The following MYO1D variants were observed in gnomAD, a reference collection of about 807,000 sequenced individuals.
The protein encoded by MYO1D is myosin ID.
Under a neutral mutation model 122.0 loss-of-function variants are expected in MYO1D, and 83 were observed. The observed-to-expected ratio is 0.68, with a 90% CI of 0.57 to 0.82. The LOEUF (loss-of-function observed/expected upper bound fraction) is 0.82, where lower values mean the gene tolerates loss of function less well. Among genes scored for constraint, MYO1D ranks in the 40% least tolerant of loss-of-function variants. The pLI is 0.00. For missense variants in MYO1D, 1,157 were observed against 1,269.5 expected (o/e 0.91, Z 1.35); for synonymous variants, 464 against 446.9 (o/e 1.04, Z -0.48).
chr17:32,819,991 G>A (rs936657579), intron 1 of MYO1D, among the ~76,000 whole-genome samples: 1 of 152,204 alleles, frequency 6.6e-6, no homozygotes, highest in East Asian at 1.9e-4. Flanking sequence ...AAGCCCACAG[G>A]TTGGTCATCT....
At chr17:32,861,679 T>C (rs1567676156) in intron 1 of MYO1D, among the ~76,000 whole-genome samples, 1 of 152,124 alleles carries the variant, frequency 6.6e-6, no homozygotes, top group East Asian at 1.9e-4. Flanking sequence ...CCAAAGACTC[T>C]AGCCTCACTG....
chr17:32,773,867 C>T (rs187768952), intron 4 of MYO1D, among the ~76,000 whole-genome samples: 94 of 152,208 alleles, frequency 6.2e-4, no homozygotes, highest in African/African-American at 2.1e-3. Flanking sequence ...TTTTACACAT[C>T]GGTCCCTCCC....
At chr17:32,662,980 T>A (rs2088589819) in intron 16 of MYO1D, among the ~76,000 whole-genome samples, 1 of 150,280 alleles carries the variant, frequency 6.7e-6, no homozygotes, top group Admixed American at 6.7e-5. Context: ...TGCAGTGGCG[T>A]GATCTTGGCT....
chr17:32,671,441 T>C lies in MYO1D; in HGVS notation c.2122-12103A>G, dbSNP rs113158452. Among the ~76,000 whole-genome samples, 132 of 152,324 alleles carry C rather than the reference T, an allele frequency of 8.7e-4. 1 individual carries two copies. Among genetic ancestry groups the C allele is most frequent in the Admixed American group, 2.9e-3 (45 of 15,286 alleles). ...GCAAATATAGTTAAAATTTTAACAT[T>C]TGGGCGCTGGGGCGAAAGGCATAAG... On this transcript the variant is annotated intron_variant, in intron 16 of 21. Coordinates refer to ENST00000318217, the MANE Select transcript of MYO1D (RefSeq NM_015194.3).
intron 16 of MYO1D, among the ~76,000 whole-genome samples, chr17:32,682,537 G>C (rs952961811): frequency 9.9e-5 from 15 of 151,756 alleles, no homozygotes; most frequent in South Asian, 6.3e-4. Flanking sequence ...ATATGAAATT[G>C]CGGGTTGAAA....
At chr17:32,598,882 T>C (rs934807101) in intron 21 of MYO1D, among the ~76,000 whole-genome samples, 3 of 152,190 alleles carry the variant, frequency 2.0e-5, no homozygotes, top group African/African-American at 7.2e-5. Flanking sequence ...ATTAAGCGGA[T>C]ATTAAAGAAG....
At chr17:32,864,007 CTTTTTTTTTTTTTTTT>C (rs560953120) in intron 1 of MYO1D, among the ~76,000 whole-genome samples, 87 of 48,972 alleles carry the variant, frequency 1.8e-3, no homozygotes, top group South Asian at 0.012. Flanking sequence ...ACATTTCTTC[CTTTTTTTTTTTTTTTT>C]TTTTTTTTTT....
intron 10 of MYO1D, among the ~76,000 whole-genome samples, chr17:32,758,797 G>A (rs2089972603): frequency 6.6e-6 from 1 of 152,190 alleles, no homozygotes; most frequent in Non-Finnish European, 1.5e-5. Flanking sequence ...GATCTGCCAT[G>A]TAGTAAGTAA....
intron 21 of MYO1D, among the ~76,000 whole-genome samples, chr17:32,569,467 G>A (rs902472730): frequency 1.3e-5 from 2 of 152,212 alleles, no homozygotes; most frequent in Admixed American, 1.3e-4. Context: ...AAGACACTGT[G>A]TGAAATTCTT....
At chr17:32,695,294 G>A (rs985551862) in intron 16 of MYO1D, among the ~76,000 whole-genome samples, 30 of 152,212 alleles carry the variant, frequency 2.0e-4, no homozygotes, top group Admixed American at 5.2e-4. Context: ...AATCCAATGA[G>A]CCACTGATCT....
intron 19 of MYO1D, among the ~76,000 whole-genome samples, chr17:32,642,319 T>C (rs1448708061): frequency 1.7e-4 from 26 of 152,222 alleles, no homozygotes; most frequent in Admixed American, 1.7e-3. Context: ...TACTATGCTG[T>C]TTTGGTTACT....
At chr17:32,841,527 G>C (rs1014029038) in intron 1 of MYO1D, among the ~76,000 whole-genome samples, 5 of 152,008 alleles carry the variant, frequency 3.3e-5, no homozygotes, top group African/African-American at 9.7e-5. Context: ...TTAAATTGTA[G>C]CTCCCAGAGT....
chr17:32,552,270 T>C (rs1432843315), intron 21 of MYO1D, among the ~76,000 whole-genome samples: 1 of 152,022 alleles, frequency 6.6e-6, no homozygotes, highest in Non-Finnish European at 1.5e-5. Context: ...GAGATGGGGG[T>C]CTTACTATAT....
At chr17:32,681,545 C>T (rs942720284) in intron 16 of MYO1D, among the ~76,000 whole-genome samples, 6 of 151,354 alleles carry the variant, frequency 4.0e-5, no homozygotes, top group South Asian at 4.2e-4. Context: ...GTTCAGTTTC[C>T]ATGTAGTTGA....
At chr17:32,504,893 A>T (rs1361752426) in intron 21 of MYO1D, 2 of 152,306 alleles carry the variant, frequency 1.3e-5, no homozygotes, top group Non-Finnish European at 2.9e-5. Flanking sequence ...CTGCACGGTC[A>T]CTGAGGCCAG....
chr17:32,596,225 T>C (rs2087490909), intron 21 of MYO1D, among the ~76,000 whole-genome samples: 1 of 152,206 alleles, frequency 6.6e-6, no homozygotes, highest in Non-Finnish European at 1.5e-5. Context: ...GCTTATGGAA[T>C]ATAAACTATT....
intron 19 of MYO1D, among the ~76,000 whole-genome samples, chr17:32,647,125 G>A (rs969934446): frequency 2.6e-5 from 4 of 152,038 alleles, no homozygotes; most frequent in African/African-American, 9.7e-5. Context: ...TACCACAGGG[G>A]GCCACAGATA....
At chr17:32,784,301 G>A (rs2151031751) in intron 1 of MYO1D, among the ~76,000 whole-genome samples, 1 of 152,240 alleles carries the variant, frequency 6.6e-6, no homozygotes, top group Non-Finnish European at 1.5e-5. Flanking sequence ...AGTTCATTCT[G>A]CCTCACACCT....
intron 1 of MYO1D, among the ~76,000 whole-genome samples, chr17:32,788,998 T>TTTTTG (rs1365285522): frequency 2.4e-5 from 3 of 126,640 alleles, no homozygotes; most frequent in Non-Finnish European, 5.2e-5. Flanking sequence ...GTTTTTTTGT[T>TTTTTG]TTTTGTTTTG....
Sources: allele counts gnomAD v4.1 joint callset (sites outside exome capture counted in the v4.1 genomes callset), GRCh38; gene constraint gnomAD v4.1.1; transcripts MANE v1.5; gene names NCBI Gene and HGNC (gene_info 2026-07-23, HGNC 2026-07-21).